Variants in WDR3 observed in about 807,000 individuals in gnomAD.
The protein encoded by WDR3 is WD repeat domain 3.
In WDR3, 81 loss-of-function variants were observed where a neutral mutation model predicts 123.7. The observed-to-expected ratio is 0.65, with a 90% CI of 0.55 to 0.79. The LOEUF (loss-of-function observed/expected upper bound fraction) is 0.79, where lower values mean the gene tolerates loss of function less well. Among genes scored for constraint, WDR3 ranks in the 30% least tolerant of loss-of-function variants. The probability of loss-of-function intolerance (pLI) is 0.00; values close to 1 mark genes in which losing one functional copy is unlikely to be tolerated. For synonymous variants in WDR3, 390 were observed against 388.8 expected, an observed-to-expected ratio of 1.00 and a Z score of -0.04; for missense variants, 1,027 against 1,123.2, an observed-to-expected ratio of 0.91 and a Z score of 1.22.
rs1651779073 is a variant in WDR3, at chr1:117,953,887, C to T, written c.2269-120C>T. ...GCTTTTTGGCACTCTATTCGCACGTCTTTATTAAACAGATTGAAGCTATTT... is the reference window on the plus strand; with the variant it reads ...GCTTTTTGGCACTCTATTCGCACGTTTTTATTAAACAGATTGAAGCTATTT... On this transcript the variant is annotated intron_variant, in intron 21 of 26. Coordinates refer to ENST00000349139, the MANE Select transcript of WDR3 (RefSeq NM_006784.3). The T allele has an allele frequency of 6.1e-6, 5 of 822,782 alleles. No individual in the cohort carries two copies. In the South Asian group the frequency reaches 9.1e-5, roughly 15 times the overall value. 51.0% of individuals were successfully genotyped at this position (822,782 alleles called of 1,614,324 possible).
At chr1:117,941,896 C>T in intron 9 of WDR3, 49 bp downstream of exon 9, 1 of 1,515,524 alleles carries the variant, frequency 6.6e-7, no homozygotes, top group Non-Finnish European at 8.8e-7. Flanking sequence ...CTGGGTAGGC[C>T]CCATGTTACT....
Position 117,955,344 on chromosome 1 carries a change from A to G in WDR3, c.2439A>G (p.Lys813=). 6.2e-7 allele frequency: 1 copy of G among 1,612,494 alleles called. No homozygotes were observed. The highest frequency in any genetic ancestry group is 8.5e-7 in the Non-Finnish European group (1 of 1,179,006). ...CAGCTTATGTATTAGAGATTTTTAA[A>G]GGGATCAAGTCGAGGTGAGTGAGTC... is the stretch of plus-strand genomic sequence containing the variant. ...SPSAYVLEIF[K]GIKSSELEES... The change falls in exon 24 of 27, where the codon AAA becomes AAG. Residue 813 remains lysine, a synonymous_variant. Coordinates refer to ENST00000349139, the MANE Select transcript of WDR3 (RefSeq NM_006784.3).
At chr1:117,946,757 C>T (rs997201010) in intron 12 of WDR3, among the ~76,000 whole-genome samples, 12 of 151,706 alleles carry the variant, frequency 7.9e-5, no homozygotes, top group Middle Eastern at 3.4e-3. Flanking sequence ...CTGGCTAACA[C>T]GGTGAAACCC....
In WDR3 at chr1:117,952,508, A is replaced by T. The variant is rs746867696; in HGVS notation, c.2017-20A>T. Reference sequence around the variant, plus strand: ...GTGGTCAATGAATGAGGTATTCTTTATTTTTTTTTTCTCCTCCAGGGTCAT... The same window carrying T: ...GTGGTCAATGAATGAGGTATTCTTTTTTTTTTTTTTCTCCTCCAGGGTCAT... On this transcript the variant is annotated intron_variant, in intron 18 of 26. Coordinates refer to ENST00000349139, the MANE Select transcript of WDR3 (RefSeq NM_006784.3). 4 of 1,506,962 alleles carry T rather than the reference A, an allele frequency of 2.7e-6. No homozygotes were observed. The highest frequency in any genetic ancestry group is 2.4e-5 in the East Asian group (1 of 41,990). 93.3% of individuals were successfully genotyped at this position (1,506,962 alleles called of 1,614,324 possible). A position where few individuals can be genotyped will look rare whatever the true frequency, so the allele number is the denominator to read the frequency against.
At chr1:117,951,009 ATCTT>A in intron 16 of WDR3, 119 bp downstream of exon 16, 1 of 722,974 alleles carries the variant, frequency 1.4e-6, no homozygotes. Flanking sequence ...TCTGTTATAT[ATCTT>A]TCTCCAAAAA....
chr1:117,957,917 A>G (rs1652454737), intron 25 of WDR3, among the ~76,000 whole-genome samples: 2 of 152,234 alleles, frequency 1.3e-5, no homozygotes, highest in Admixed American at 6.5e-5. Flanking sequence ...AGGGGCATAT[A>G]TAGAGGTAAA....
intron 3 of WDR3, 47 bp from the exon 4 acceptor site, chr1:117,936,722 T>G (rs775064069): frequency 6.9e-7 from 1 of 1,446,132 alleles, no homozygotes; most frequent in African/African-American, 1.4e-5. Flanking sequence ...TTGGGCCATA[T>G]ATGGTAAAGA....
chr1:117,964,123 T>A lies in WDR3; in HGVS notation c.*4676T>A. 1.8e-6 allele frequency: 1 copy of A among 563,918 alleles called. No individual in the cohort carries two copies. The highest frequency in any genetic ancestry group is 3.1e-6 in the Non-Finnish European group (1 of 323,030). 34.9% of individuals were successfully genotyped at this position (563,918 alleles called of 1,614,324 possible). A position where few individuals can be genotyped will look rare whatever the true frequency, so the allele number is the denominator to read the frequency against. ...GTTAGAGGATGGATATGCCAATGTC[T>A]AGAATGTCTTCTGTTCTCCCTAGTG... is the stretch of plus-strand genomic sequence containing the variant. On this transcript the variant is annotated 3_prime_UTR_variant, in exon 27 of 27. Transcript: ENST00000349139.
At chr1:117,942,670 T>C in intron 10 of WDR3, 126 bp downstream of exon 10, 1 of 779,416 alleles carries the variant, frequency 1.3e-6, no homozygotes. Flanking sequence ...ATGAGACATC[T>C]GTGTCACACT....
At chr1:117,940,680 A>C (rs1446351343) in intron 6 of WDR3, 147 bp from the exon 7 acceptor site, 1 of 693,348 alleles carries the variant, frequency 1.4e-6, no homozygotes, top group Non-Finnish European at 2.5e-6. Context: ...GTGAGATGTG[A>C]TCATGCCATT....
chr1:117,938,469 T>G lies in WDR3; in HGVS notation c.501-11T>G. ...ACAGGCTATATATTTTTTTCCTGTTTCTTCTTTTAGTGGGAAAGATACCAT... is the reference window on the plus strand; with the variant it reads ...ACAGGCTATATATTTTTTTCCTGTTGCTTCTTTTAGTGGGAAAGATACCAT... On this transcript the variant is annotated splice_polypyrimidine_tract_variant and intron_variant, in intron 4 of 26. Transcript: ENST00000349139. 6.2e-7 allele frequency: 1 copy of G among 1,610,968 alleles called. No individual in the cohort carries two copies. Among genetic ancestry groups the G allele is most frequent in the Non-Finnish European group, 8.5e-7 (1 of 1,178,290 alleles).
At chr1:117,955,179 T>C in intron 23 of WDR3, 136 bp from the exon 24 acceptor site, 1 of 660,770 alleles carries the variant, frequency 1.5e-6, no homozygotes, top group Non-Finnish European at 2.5e-6. Flanking sequence ...TCTAAACTCA[T>C]GCAGATCTTG....
At position 117,946,138 on chromosome 1, in the gene WDR3, T is replaced by G; in HGVS notation, c.1381T>G (p.Phe461Val). Residue 461 changes from phenylalanine (F) to valine (V), a missense_variant, in exon 12 of 27, where the codon TTC becomes GTC. Phe to Val is a conservative substitution (Grantham distance 50). Coordinates refer to ENST00000349139, the MANE Select transcript of WDR3 (RefSeq NM_006784.3). ...GACCTGTGAATATGCACTTTGCTCA[T>G]TCTTTGTACCTGGTGATAGACAGGT... The part of the protein sequence containing the change: ...TMTCEYALCS[F>V]FVPGDRQVVI... The G allele has an allele frequency of 6.2e-7, 1 of 1,613,232 alleles. No individual in the cohort carries two copies. The highest frequency in any genetic ancestry group is 8.5e-7 in the Non-Finnish European group (1 of 1,179,444).
At chr1:117,943,868 AAC>A (rs76623338) in intron 11 of WDR3, among the ~76,000 whole-genome samples, 2,873 of 152,180 alleles carry the variant, frequency 0.019, 79 homozygotes, top group South Asian at 0.12. Flanking sequence ...GCTAGAGAAA[AAC>A]ACACAACCAT....
chr1:117,940,772 C>A, intron 6 of WDR3, 55 bp from the exon 7 acceptor site: 1 of 1,436,660 alleles, frequency 7.0e-7, no homozygotes, highest in Non-Finnish European at 9.6e-7. Flanking sequence ...ACAACAACAA[C>A]ATGCCTCCTG....
Position 117,952,016 on chromosome 1 carries a change from T to C in WDR3, c.1844T>C (p.Val615Ala). 6.2e-7 allele frequency: 1 copy of C among 1,613,510 alleles called. No individual in the cohort carries two copies. The highest frequency in any genetic ancestry group is 8.5e-7 in the Non-Finnish European group (1 of 1,179,492). The change falls in exon 17 of 27, where the codon GTG becomes GCG. Residue 615 changes from valine (V) to alanine (A), a missense_variant. Physicochemically the swap from Val to Ala is moderately conservative, Grantham distance 64 (BLOSUM62 0). Coordinates refer to ENST00000349139, the MANE Select transcript of WDR3 (RefSeq NM_006784.3). Reference protein sequence around the residue: ...LIATGSADRNVKIWGLDFGDC... With the variant: ...LIATGSADRNAKIWGLDFGDC... The stretch of plus-strand genomic sequence containing the variant: ...GCAACTGGCTCCGCTGATAGGAATG[T>C]GAAAATCTGGGGTTTGGACTTTGGG...
chr1:117,951,860 GT>G, intron 16 of WDR3, 115 bp from the exon 17 acceptor site: 5 of 949,508 alleles, frequency 5.3e-6, no homozygotes, highest in Non-Finnish European at 6.3e-6. Context: ...ATGAAAATCA[GT>G]TTTTTGGCTT....
intron 15 of WDR3, 34 bp downstream of exon 15, chr1:117,950,164 TCTGA>T (rs1557822492): frequency 1.9e-6 from 3 of 1,610,148 alleles, no homozygotes; most frequent in East Asian, 2.2e-5. Context: ...ATTTTCCCTT[TCTGA>T]CTGACTGACC....
chr1:117,963,856 A>G lies in WDR3; in HGVS notation c.*4409A>G, dbSNP rs772129782. 2.5e-6 allele frequency: 4 copies of G among 1,613,974 alleles called. No homozygotes were observed. In the South Asian group the frequency reaches 4.4e-5, roughly 18 times the overall value. On this transcript the variant is annotated 3_prime_UTR_variant, in exon 27 of 27. Coordinates refer to ENST00000349139, the MANE Select transcript of WDR3 (RefSeq NM_006784.3). ...CTCCAAGTGTGGAGGAATAAATTGT[A>G]GAAGTTCTCTGGACCATTGGATTTT...
Sources: gnomAD v4.1 joint callset for allele counts (sites outside exome capture counted in the v4.1 genomes callset) on GRCh38, gnomAD v4.1.1 for gene constraint, MANE v1.5 for transcripts, NCBI Gene and HGNC (gene_info 2026-07-23, HGNC 2026-07-21) for gene names.